Variants in CLPX observed in about 807,000 individuals in gnomAD.
CLPX encodes the protein ATP-dependent clpX-like chaperone, mitochondrial.
In CLPX, 34 loss-of-function variants were observed where a neutral mutation model predicts 76.4. That is an observed-to-expected ratio of 0.45 (90% confidence interval 0.34 to 0.59). The LOEUF (loss-of-function observed/expected upper bound fraction) is 0.59. CLPX is among the 20% of genes least tolerant of loss of function. CLPX has a pLI of 0.01. For synonymous variants in CLPX, 248 were observed against 270.9 expected (o/e 0.92, Z 0.83); for missense variants, 613 against 757.0 (o/e 0.81, Z 2.23).
rs182504865 is a variant in CLPX, at chr15:65,159,908, G to A, written c.716-1157C>T. 2.2e-3 allele frequency among the ~76,000 whole-genome samples: 327 copies of A among 151,640 alleles called. 1 individual carries two copies. The highest frequency in any genetic ancestry group is 7.1e-3 in the African/African-American group (293 of 41,374). ...GCTCACTGCAACCTCCGCCTCCTGG[G>A]TTCAAGTGATTCTCCTGCCTCAGCA... On this transcript the variant is annotated intron_variant, in intron 6 of 13. Transcript: ENST00000300107.
At chr15:65,154,465 A>G (rs2087762427) in intron 11 of CLPX, among the ~76,000 whole-genome samples, 1 of 152,230 alleles carries the variant, frequency 6.6e-6, no homozygotes, top group Non-Finnish European at 1.5e-5. Flanking sequence ...ACAGTATGTC[A>G]CAACAAAAGC....
intron 4 of CLPX, 91 bp from the exon 5 acceptor site, chr15:65,164,279 G>T: frequency 9.8e-7 from 1 of 1,018,872 alleles, no homozygotes; most frequent in Non-Finnish European, 1.4e-6. Context: ...TTTGCTTACA[G>T]TTTTAAATCT....
At chr15:65,152,932 TGA>T (rs899268768) in intron 12 of CLPX, among the ~76,000 whole-genome samples, 4 of 151,054 alleles carry the variant, frequency 2.6e-5, no homozygotes, top group Non-Finnish European at 4.4e-5. Context: ...TTGTTTGTTT[TGA>T]GAGATGAGGG....
In CLPX at chr15:65,166,656, T is replaced by G. The variant is rs201236679; in HGVS notation, c.488A>C (p.Gln163Pro). The change falls in exon 4 of 14, where the codon CAG becomes CCG. Residue 163 changes from glutamine (Q) to proline (P), a missense_variant. Around this residue, in one of 2 missense-constraint regions of CLPX, gnomAD observed 450 missense variants for 638.6 expected, o/e 0.70. Coordinates refer to ENST00000300107, the MANE Select transcript of CLPX (RefSeq NM_006660.5). The stretch of plus-strand genomic sequence containing the variant: ...CTTCTTAGGGGGAGGTGGTGGTTTC[T>G]GTTGGAATGCCAATTTTACAGCTTC... ...AAEAVKLAFQ[Q>P]KPPPPPKKIY... 1 of 1,614,142 alleles carries G rather than the reference T, an allele frequency of 6.2e-7. No homozygotes were observed. Among genetic ancestry groups the G allele is most frequent in the East Asian group, 2.2e-5 (1 of 44,872 alleles).
intron 1 of CLPX, 29 bp downstream of exon 1, chr15:65,185,043 CTGA>C: frequency 7.3e-7 from 1 of 1,376,968 alleles, no homozygotes; most frequent in Admixed American, 2.0e-5. Context: ...CCCCGACAGG[CTGA>C]GGGCTCAGGA....
chr15:65,178,481 C>T lies in CLPX; in HGVS notation c.358+453G>A, dbSNP rs143319228. On this transcript the variant is annotated intron_variant, in intron 3 of 13. Coordinates refer to ENST00000300107, the MANE Select transcript of CLPX (RefSeq NM_006660.5). ...GAATCAGGTAAGCTCATACAATTTA[C>T]ATATAATTTATATAACATACAAAGT... is the stretch of plus-strand genomic sequence containing the variant. Among the ~76,000 whole-genome samples the T allele has an allele frequency of 5.7e-3, 872 of 152,246 alleles. 5 individuals carry two copies. Among genetic ancestry groups the T allele is most frequent in the Middle Eastern group, 0.014 (4 of 294 alleles).
At chr15:65,159,444 C>T (rs866582946) in intron 6 of CLPX, among the ~76,000 whole-genome samples, 1 of 152,074 alleles carries the variant, frequency 6.6e-6, no homozygotes, top group Non-Finnish European at 1.5e-5. Context: ...AACCCCATCT[C>T]TACTAAAAAT....
At chr15:65,172,082 G>A (rs189944385) in intron 3 of CLPX, among the ~76,000 whole-genome samples, 2 of 152,218 alleles carry the variant, frequency 1.3e-5, no homozygotes, top group East Asian at 1.9e-4. Flanking sequence ...CGCAACCTCC[G>A]CCTCCCGAGT....
chr15:65,149,517 A>G lies in CLPX; in HGVS notation c.*1306T>C. On this transcript the variant is annotated 3_prime_UTR_variant, in exon 14 of 14. Coordinates refer to ENST00000300107, the MANE Select transcript of CLPX (RefSeq NM_006660.5). ...TAGATATATAACTTTCTGAAGATTT[A>G]AGCCAGACTTCAATTCCATGTACTC... The G allele has an allele frequency of 2.4e-6, 1 of 417,752 alleles. No homozygotes were observed. The highest frequency in any genetic ancestry group is 4.7e-6 in the Non-Finnish European group (1 of 214,556). The allele number at this position is 417,752 out of a possible 1,614,324, so 25.9% of individuals were successfully genotyped here.
chr15:65,180,869 A>G (rs1053478041), intron 1 of CLPX, among the ~76,000 whole-genome samples: 8 of 148,952 alleles, frequency 5.4e-5, no homozygotes, highest in Admixed American at 2.1e-4. Context: ...GTGCCACCGC[A>G]CTCCAGCCTG....
At chr15:65,180,000 G>A in intron 2 of CLPX, 44 bp downstream of exon 2, 2 of 1,391,960 alleles carry the variant, frequency 1.4e-6, no homozygotes, top group East Asian at 2.4e-5. Flanking sequence ...TTTAAAGGAG[G>A]GAACTCACAA....
intron 3 of CLPX, among the ~76,000 whole-genome samples, chr15:65,167,754 G>A (rs1425483658): frequency 6.6e-6 from 1 of 151,636 alleles, no homozygotes; most frequent in African/African-American, 2.4e-5. Context: ...TGGGCGTGGT[G>A]GCAGACACCT....
At chr15:65,167,771 C>A (rs1265411754) in intron 3 of CLPX, among the ~76,000 whole-genome samples, 1 of 151,506 alleles carries the variant, frequency 6.6e-6, no homozygotes, top group Non-Finnish European at 1.5e-5. Context: ...ACCTGTAATC[C>A]CAGCTACTCG....
At position 65,181,718 on chromosome 15, in the gene CLPX, C is replaced by T. The variant is rs181323406; in HGVS notation, c.80-1514G>A. Among the ~76,000 whole-genome samples, 235 of 151,478 alleles carry T rather than the reference C, an allele frequency of 1.6e-3. 1 individual carries two copies. Among genetic ancestry groups the T allele is most frequent in the Middle Eastern group, 6.8e-3 (2 of 294 alleles). ...GAGCCGAGATTGCGCCACTGTACTC[C>T]AGCCTGTGCAACGGAGCGAGGCTCT... On this transcript the variant is annotated intron_variant, in intron 1 of 13. Transcript: ENST00000300107.
intron 3 of CLPX, among the ~76,000 whole-genome samples, chr15:65,176,395 G>C (rs2088091785): frequency 2.0e-5 from 3 of 152,140 alleles, no homozygotes; most frequent in Admixed American, 2.0e-4. Context: ...AGGAATTTCT[G>C]AATAGCAAAT....
intron 7 of CLPX, 102 bp from the exon 8 acceptor site, chr15:65,158,012 T>A (rs944963425): frequency 2.1e-6 from 2 of 948,988 alleles, no homozygotes; most frequent in Non-Finnish European, 3.0e-6. Flanking sequence ...AATAAAAAGT[T>A]GTCAATTGCT....
intron 8 of CLPX, 51 bp downstream of exon 8, chr15:65,157,695 A>T (rs369618230): frequency 4.1e-5 from 61 of 1,498,680 alleles, no homozygotes; most frequent in South Asian, 2.5e-5. Context: ...TTAATATTAG[A>T]CTGATTCCCC....
intron 5 of CLPX, among the ~76,000 whole-genome samples, chr15:65,163,185 G>A (rs931452493): frequency 3.3e-5 from 5 of 152,056 alleles, no homozygotes; most frequent in African/African-American, 9.7e-5. Flanking sequence ...TCGCAATCCA[G>A]CCTGGGTGAC....
At chr15:65,161,191 G>A (rs770306322) in intron 6 of CLPX, among the ~76,000 whole-genome samples, 6 of 151,976 alleles carry the variant, frequency 3.9e-5, no homozygotes, top group Non-Finnish European at 7.4e-5. Flanking sequence ...GCCCTTAAAC[G>A]CAAACAAAGT....
Sources: gnomAD v4.1 joint callset for allele counts (sites outside exome capture counted in the v4.1 genomes callset) on GRCh38, gnomAD v4.1.1 for gene constraint, gnomAD v4.1.1 regional missense constraint, MANE v1.5 for transcripts, NCBI Gene and HGNC (gene_info 2026-07-23, HGNC 2026-07-21) for gene names.